The following DNAH12 variants were observed in gnomAD, a reference collection of about 807,000 sequenced individuals.
DNAH12 encodes the protein dynein axonemal heavy chain 12.
Under a neutral mutation model 371.5 loss-of-function variants are expected in DNAH12, and 285 were observed. The ratio of observed to expected loss-of-function variants is 0.77; its 90% confidence interval spans 0.70 to 0.85. The LOEUF (loss-of-function observed/expected upper bound fraction) is 0.85, where lower values mean the gene tolerates loss of function less well. Ranked by LOEUF, DNAH12 falls within the 40% of genes least tolerant of loss-of-function variation. The pLI, the probability that DNAH12 is intolerant of heterozygous loss-of-function variation, is 0.00. For synonymous variants in DNAH12, 1,200 were observed against 1,213.0 expected, an observed-to-expected ratio of 0.99 and a Z score of 0.22; for missense variants, 3,611 against 3,689.4, an observed-to-expected ratio of 0.98 and a Z score of 0.55.
Position 57,468,413 on chromosome 3 carries a change from A to C in DNAH12, c.2349+323T>G, listed in dbSNP as rs367731970. On this transcript the variant is annotated intron_variant, in intron 17 of 73. Coordinates refer to ENST00000495027, the MANE Select transcript of DNAH12 (RefSeq NM_001366028.2). Reference sequence around the variant, plus strand: ...CAAGGTGGACAGACTGCTTGAGCACAGGAGTTTGAGACCAGCCTGGGCAAC... The same window carrying C: ...CAAGGTGGACAGACTGCTTGAGCACCGGAGTTTGAGACCAGCCTGGGCAAC... Among the ~76,000 whole-genome samples the C allele has an allele frequency of 1.8e-4, 27 of 152,250 alleles. No homozygotes were observed. In the South Asian group the frequency reaches 2.7e-3, roughly 15 times the overall value.
chr3:57,335,080 A>T, intron 60 of DNAH12, 140 bp from the exon 61 acceptor site: 6 of 903,348 alleles, frequency 6.6e-6, no homozygotes, highest in South Asian at 6.0e-5. Context: ...ACTGGACAAA[A>T]TTAATGAAAC....
intron 43 of DNAH12, among the ~76,000 whole-genome samples, chr3:57,398,073 T>G (rs1174814700): frequency 6.6e-6 from 1 of 152,044 alleles, no homozygotes; most frequent in Non-Finnish European, 1.5e-5. Context: ...ATGAACAAAA[T>G]GAGAATTAAC....
At chr3:57,479,224 T>A (rs1478026074) in intron 13 of DNAH12, among the ~76,000 whole-genome samples, 2 of 152,032 alleles carry the variant, frequency 1.3e-5, no homozygotes, top group African/African-American at 4.8e-5. Context: ...GGATGGAGGA[T>A]GATCTACCAA....
At chr3:57,362,517 C>G (rs2062958880) in intron 58 of DNAH12, among the ~76,000 whole-genome samples, 2 of 152,248 alleles carry the variant, frequency 1.3e-5, no homozygotes, top group African/African-American at 2.4e-5. Flanking sequence ...TCCACATCCT[C>G]TCCAGCACCT....
rs1485463227 is a variant in DNAH12, at chr3:57,433,723, C to G, written c.4761G>C (p.Lys1587Asn). The change falls in exon 31 of 74, where the codon AAG becomes AAC. Residue 1587 changes from lysine (K) to asparagine (N), a missense_variant. Around this residue, in one of 3 missense-constraint regions of DNAH12, gnomAD observed 2,266 missense variants for 2,236.9 expected, o/e 1.01. Transcript: ENST00000495027. ...MNEHGYGEEE[K>N]VIYRTVNPKS... ...TGGGGTTTACAGTTCTATAAATGAC[C>G]TTTTCTTCCTCTCCATAGCCATGTT... 2 of 1,551,264 alleles carry G rather than the reference C, an allele frequency of 1.3e-6. No homozygotes were observed. Among genetic ancestry groups the G allele is most frequent in the Admixed American group, 2.0e-5 (1 of 50,946 alleles).
At chr3:57,522,438 T>C (rs1289472807) in intron 4 of DNAH12, among the ~76,000 whole-genome samples, 1 of 152,118 alleles carries the variant, frequency 6.6e-6, no homozygotes, top group Admixed American at 6.5e-5. Context: ...ATTTGTACAT[T>C]AAATATTTAT....
chr3:57,407,267 A>T (rs2153353923), intron 40 of DNAH12, among the ~76,000 whole-genome samples: 1 of 123,118 alleles, frequency 8.1e-6, no homozygotes, highest in African/African-American at 3.2e-5. Flanking sequence ...TAGGTCTATA[A>T]TGCTTCAAAG....
intron 50 of DNAH12, among the ~76,000 whole-genome samples, chr3:57,381,272 T>C (rs2063385058): frequency 6.6e-6 from 1 of 151,232 alleles, no homozygotes; most frequent in Non-Finnish European, 1.5e-5. Context: ...TAAATGAGAA[T>C]AACTTAATAA....
At chr3:57,490,037 G>A (rs6766895) in intron 11 of DNAH12, among the ~76,000 whole-genome samples, 101,857 of 152,024 alleles carry the variant, frequency 0.67, 34,367 homozygotes, top group South Asian at 0.75. Context: ...TTGCATAGTG[G>A]ATAAATATTT....
At chr3:57,304,281 G>A (rs536543979) in intron 69 of DNAH12, among the ~76,000 whole-genome samples, 56 of 152,094 alleles carry the variant, frequency 3.7e-4, no homozygotes, top group Non-Finnish European at 6.6e-4. Flanking sequence ...GCCATGACTC[G>A]GATCGGGGGA....
the DNAH12 span, among the ~76,000 whole-genome samples, chr3:57,555,972 C>A: frequency 1.3e-5 from 2 of 152,246 alleles, no homozygotes; most frequent in African/African-American, 2.4e-5. Context: ...GGGAGGAGAG[C>A]TGGTCAGCCA....
intron 44 of DNAH12, among the ~76,000 whole-genome samples, chr3:57,392,505 C>A (rs2063646292): frequency 6.6e-6 from 1 of 151,818 alleles, no homozygotes; most frequent in Non-Finnish European, 1.5e-5. Flanking sequence ...AGGTAAGAGC[C>A]CAGGAGTTCG....
chr3:57,520,632 G>C (rs1392502760), intron 4 of DNAH12, among the ~76,000 whole-genome samples: 3 of 151,104 alleles, frequency 2.0e-5, no homozygotes, highest in Admixed American at 1.3e-4. Flanking sequence ...TAGTAGAGAC[G>C]GGGTTTCACC....
intron 4 of DNAH12, among the ~76,000 whole-genome samples, chr3:57,518,245 C>A (rs2068273014): frequency 6.6e-6 from 1 of 152,064 alleles, no homozygotes; most frequent in Non-Finnish European, 1.5e-5. Context: ...CAATTCCTGG[C>A]CGGGCACGGT....
In DNAH12 at chr3:57,489,582, T is replaced by A. The variant is rs2067045489; in HGVS notation, c.1441A>T (p.Thr481Ser). 2.6e-6 allele frequency: 4 copies of A among 1,541,116 alleles called. No homozygotes were observed. In the East Asian group the frequency reaches 1.0e-4, roughly 38 times the overall value. Residue 481 changes from threonine (T) to serine (S), a missense_variant, in exon 12 of 74, where the codon ACA becomes TCA. Physicochemically the swap from Thr to Ser is moderately conservative, Grantham distance 58 (BLOSUM62 1). Coordinates refer to ENST00000495027, the MANE Select transcript of DNAH12 (RefSeq NM_001366028.2). ...LDCEDLKTGL[T>S]NKAKAFANIL... is the part of the protein sequence containing the mutation. ...TTTGCAAAGGCTTTTGCTTTATTTG[T>A]CAGGCCTGTCTTCAAATCTTCACAA... is the stretch of plus-strand genomic sequence containing the variant.
chr3:57,488,896 G>C (rs1575674437), intron 12 of DNAH12, among the ~76,000 whole-genome samples: 2 of 152,058 alleles, frequency 1.3e-5, no homozygotes, highest in South Asian at 4.2e-4. Context: ...GCCCGATGTG[G>C]CATGGTCTTC....
chr3:57,516,848 A>G (rs2153396109), intron 4 of DNAH12, among the ~76,000 whole-genome samples: 1 of 152,294 alleles, frequency 6.6e-6, no homozygotes, highest in Admixed American at 6.5e-5. Context: ...CATGGGTAGA[A>G]TCCTCCAATG....
Position 57,453,309 on chromosome 3 carries a change from A to AGAGT in DNAH12, c.3547_3550dup (p.Leu1184HisfsTer9), listed in dbSNP as rs1362818640. On this transcript the variant is annotated frameshift_variant, in exon 24 of 74. Transcript: ENST00000495027. LOFTEE classifies it high-confidence loss of function. ...GACATCAATAGTAACCAAAGCCCCC[A>AGAGT]GAGTGGTCCTGGTCTGCTTAGACAA... 6.4e-7 allele frequency: 1 copy of AGAGT among 1,551,018 alleles called. No individual in the cohort carries two copies. Among genetic ancestry groups the AGAGT allele is most frequent in the Non-Finnish European group, 8.7e-7 (1 of 1,146,830 alleles).
intron 62 of DNAH12, among the ~76,000 whole-genome samples, chr3:57,334,043 A>T (rs184566105): frequency 6.6e-6 from 1 of 152,324 alleles, no homozygotes; most frequent in African/African-American, 2.4e-5. Context: ...GAAATACACA[A>T]TTACTAAAAT....
Sources: allele counts gnomAD v4.1 joint callset (sites outside exome capture counted in the v4.1 genomes callset), GRCh38; gene constraint gnomAD v4.1.1; regional missense constraint gnomAD v4.1.1; transcripts MANE v1.5; gene names NCBI Gene and HGNC (gene_info 2026-07-23, HGNC 2026-07-21).